The following CFTR variants were observed in gnomAD, a reference collection of about 807,000 sequenced individuals.
The protein encoded by CFTR is CF transmembrane conductance regulator.
Under a neutral mutation model 171.6 loss-of-function variants are expected in CFTR, and 181 were observed. The observed-to-expected ratio is 1.05, with a 90% confidence interval of 0.93 to 1.19. The LOEUF (loss-of-function observed/expected upper bound fraction) is 1.19. Ranked by LOEUF, CFTR falls within the 50% of genes most tolerant of loss-of-function variation. The pLI, the probability that CFTR is intolerant of heterozygous loss-of-function variation, is 0.00. For synonymous variants in CFTR, 583 were observed against 608.0 expected (o/e 0.96, Z 0.60); for missense variants, 1,968 against 1,734.7 (o/e 1.13, Z -2.39).
intron 11 of CFTR, among the ~76,000 whole-genome samples, chr7:117,565,495 C>T (rs1791587480): frequency 6.6e-6 from 1 of 151,862 alleles, no homozygotes; most frequent in South Asian, 2.1e-4. Context: ...GTAAATGTAC[C>T]TGAGTTTGGA....
chr7:117,536,103 A>G (rs1042709502), intron 6 of CFTR, among the ~76,000 whole-genome samples: 4 of 152,236 alleles, frequency 2.6e-5, no homozygotes, highest in African/African-American at 9.6e-5. Context: ...AATATGAGTG[A>G]ATGAATGACT....
intron 1 of CFTR, among the ~76,000 whole-genome samples, chr7:117,497,524 C>T (rs1375974510): frequency 1.3e-5 from 2 of 152,136 alleles, no homozygotes; most frequent in Admixed American, 6.6e-5. Context: ...ATCTTCAGAG[C>T]TTTTTCCAAG....
chr7:117,628,169 CTTTT>C (rs559770566), intron 22 of CFTR, among the ~76,000 whole-genome samples: 1 of 152,058 alleles, frequency 6.6e-6, no homozygotes. Flanking sequence ...ACAAGTGATA[CTTTT>C]TTTCTAGCTT....
In CFTR at chr7:117,612,074, TCCCTGTTTTC is replaced by T. The variant is rs1554392461; in HGVS notation, c.3367+267_3367+276del. ...ATATACATATATATATATAGTATTA[TCCCTGTTTTC>T]ACAGTTTTAAAAACCGATGCACACA... On this transcript the variant is annotated intron_variant, in intron 20 of 26. Transcript: ENST00000003084. Among the ~76,000 whole-genome samples the T allele has an allele frequency of 5.1e-4, 70 of 137,962 alleles. 1 individual carries two copies. The highest frequency in any genetic ancestry group is 9.3e-4 in the Non-Finnish European group (60 of 64,244). 90.5% of individuals were successfully genotyped at this position (137,962 alleles called of 152,430 possible). A position where few individuals can be genotyped will look rare whatever the true frequency, so the allele number is the denominator to read the frequency against.
intron 15 of CFTR, 138 bp downstream of exon 15, chr7:117,595,196 CAT>C (rs991965072): frequency 3.7e-5 from 24 of 641,536 alleles, no homozygotes; most frequent in South Asian, 1.5e-4. Context: ...TATATACACA[CAT>C]ATATCACTAT....
At chr7:117,557,242 T>C (rs1261983336) in intron 10 of CFTR, among the ~76,000 whole-genome samples, 1 of 152,150 alleles carries the variant, frequency 6.6e-6, no homozygotes, top group Admixed American at 6.5e-5. Flanking sequence ...ATTTTCTTTG[T>C]TTTCCAAGAA....
At chr7:117,616,818 A>G (rs1361255010) in intron 21 of CFTR, among the ~76,000 whole-genome samples, 1 of 152,172 alleles carries the variant, frequency 6.6e-6, no homozygotes, top group Non-Finnish European at 1.5e-5. Flanking sequence ...TATCAAAGCT[A>G]ATATGTGAGT....
rs1046946138 is a variant in CFTR, at chr7:117,584,130, A to G, written c.1585-3609A>G. Among the ~76,000 whole-genome samples the G allele has an allele frequency of 1.2e-4, 19 of 152,014 alleles. 1 individual carries two copies. Among genetic ancestry groups the G allele is most frequent in the African/African-American group, 4.3e-4 (18 of 41,382 alleles). ...TTCCCACTCTGTAGGTTGTCTGTTT[A>G]CCATGCTAATTATTTATTTTGCTGT... On this transcript the variant is annotated intron_variant, in intron 11 of 26. Coordinates refer to ENST00000003084, the MANE Select transcript of CFTR (RefSeq NM_000492.4).
chr7:117,666,543 T>G (rs748724984), intron 26 of CFTR, among the ~76,000 whole-genome samples: 6 of 152,196 alleles, frequency 3.9e-5, no homozygotes, highest in Admixed American at 1.3e-4. Flanking sequence ...TTTGGAATTC[T>G]TAAGCTTCAG....
chr7:117,522,708 G>C (rs376374108), intron 3 of CFTR, among the ~76,000 whole-genome samples: 1 of 152,258 alleles, frequency 6.6e-6, no homozygotes, highest in African/African-American at 2.4e-5. Flanking sequence ...GAGTAATGGA[G>C]TACAGTCAGC....
chr7:117,613,941 T>TA (rs562159015), intron 20 of CFTR, among the ~76,000 whole-genome samples: 39 of 136,400 alleles, frequency 2.9e-4, no homozygotes, highest in Admixed American at 5.2e-4. Context: ...TCTTTAGCCC[T>TA]AAAAAAAAAA....
At chr7:117,645,044 C>G (rs906714493) in intron 23 of CFTR, among the ~76,000 whole-genome samples, 1 of 152,090 alleles carries the variant, frequency 6.6e-6, no homozygotes, top group Non-Finnish European at 1.5e-5. Context: ...AATGATTAGG[C>G]CTATTCTTGC....
At chr7:117,548,902 A>G in intron 10 of CFTR, 79 bp downstream of exon 10, 1 of 1,542,236 alleles carries the variant, frequency 6.5e-7, no homozygotes, top group Non-Finnish European at 8.7e-7. Context: ...TAGTGCTGGA[A>G]GGTATTTTTG....
chr7:117,579,226 G>A lies in CFTR; in HGVS notation c.1585-8513G>A, dbSNP rs1353843459. On this transcript the variant is annotated intron_variant, in intron 11 of 26. Transcript: ENST00000003084. ...TATTGAAGTATATAAAATAAGATCT[G>A]GATGAATAGAAAGATCATAATTTTT... Among the ~76,000 whole-genome samples, 3 of 151,932 alleles carry A rather than the reference G, an allele frequency of 2.0e-5. No individual in the cohort carries two copies. In the East Asian group the frequency reaches 5.8e-4, roughly 29 times the overall value.
chr7:117,496,829 A>G (rs918564556), intron 1 of CFTR, among the ~76,000 whole-genome samples: 4 of 152,040 alleles, frequency 2.6e-5, no homozygotes, highest in African/African-American at 9.7e-5. Context: ...ACATATTTGC[A>G]ACACTTACTA....
At chr7:117,554,741 C>T (rs1472433387) in intron 10 of CFTR, among the ~76,000 whole-genome samples, 4 of 152,120 alleles carry the variant, frequency 2.6e-5, no homozygotes, top group Non-Finnish European at 5.9e-5. Flanking sequence ...CGGAACCCAA[C>T]TGATGTCAAG....
At chr7:117,495,637 A>T (rs1798225143) in intron 1 of CFTR, among the ~76,000 whole-genome samples, 1 of 152,178 alleles carries the variant, frequency 6.6e-6, no homozygotes, top group African/African-American at 2.4e-5. Flanking sequence ...TACACAACTC[A>T]TGGTGCATGT....
At chr7:117,505,125 G>T (rs973733876) in intron 2 of CFTR, among the ~76,000 whole-genome samples, 1 of 152,170 alleles carries the variant, frequency 6.6e-6, no homozygotes, top group Non-Finnish European at 1.5e-5. Context: ...GCCACTCTGA[G>T]TGGAAAGCAT....
At chr7:117,620,680 GA>G (rs1482254202) in intron 21 of CFTR, among the ~76,000 whole-genome samples, 2 of 152,144 alleles carry the variant, frequency 1.3e-5, no homozygotes, top group African/African-American at 4.8e-5. Context: ...AAAAAAGGTT[GA>G]AAAGTTTAGA....
Sources: gnomAD v4.1 joint callset for allele counts (sites outside exome capture counted in the v4.1 genomes callset) on GRCh38, gnomAD v4.1.1 for gene constraint, MANE v1.5 for transcripts, NCBI Gene and HGNC (gene_info 2026-07-23, HGNC 2026-07-21) for gene names.